Variants in GLYATL1 observed in about 807,000 individuals in gnomAD.
The protein encoded by GLYATL1 is glycine N-acyltransferase-like protein 1.
GLYATL1 carries 15 observed loss-of-function variants against 20.0 expected under a neutral mutation model. The observed-to-expected ratio is 0.75, with a 90% CI of 0.50 to 1.15. GLYATL1 has a LOEUF of 1.15. Among genes scored for constraint, GLYATL1 ranks in the 50% most tolerant of loss-of-function variants. The pLI, the probability that GLYATL1 is intolerant of heterozygous loss-of-function variation, is 0.00. For synonymous variants in GLYATL1, 151 were observed against 131.5 expected, an observed-to-expected ratio of 1.15 and a Z score of -1.01; for missense variants, 380 against 368.5, an observed-to-expected ratio of 1.03 and a Z score of -0.26.
At chr11:58,917,661 A>G (rs557678) in intron 1 of GLYATL1, among the ~76,000 whole-genome samples, 149,108 of 152,358 alleles carry the variant, frequency 0.98, 73,040 homozygotes, top group Middle Eastern at 1. Context: ...AGGCCTGCCT[A>G]CTCAGGCATC....
In GLYATL1 at chr11:58,955,604, C is replaced by T. The variant is rs200942572; in HGVS notation, c.492-6C>T. The T allele has an allele frequency of 4.5e-4, 722 of 1,611,782 alleles. 13 individuals carry two copies. The South Asian group carries it at 7.5e-3, about 17-fold the overall frequency. On this transcript the variant is annotated splice_polypyrimidine_tract_variant and splice_region_variant and intron_variant, in intron 6 of 6. Transcript: ENST00000532726. The stretch of plus-strand genomic sequence containing the variant: ...AAGTTGTTGTCTTTCTTTTTGTTGT[C>T]TACAGTGAAACTCCCAACTTTAAGT...
chr11:58,946,869 C>T, intron 2 of GLYATL1, 177 bp from the exon 3 acceptor site: 1 of 636,292 alleles, frequency 1.6e-6, no homozygotes, highest in South Asian at 1.9e-5. Context: ...CTGACTCTGG[C>T]ATTTATCTCT....
chr11:58,949,482 G>A (rs1226945556), intron 4 of GLYATL1, among the ~76,000 whole-genome samples: 3 of 152,154 alleles, frequency 2.0e-5, no homozygotes, highest in African/African-American at 7.2e-5. Context: ...TCAAAGTGTG[G>A]TATGCTAGAT....
intron 1 of GLYATL1, among the ~76,000 whole-genome samples, chr11:58,916,162 A>G (rs1855166839): frequency 6.6e-6 from 1 of 152,000 alleles, no homozygotes; most frequent in Admixed American, 6.5e-5. Context: ...TGGAATGGGG[A>G]CTTTTCTGTA....
At chr11:58,940,544 A>G (rs1311186411) in intron 1 of GLYATL1, among the ~76,000 whole-genome samples, 1 of 152,278 alleles carries the variant, frequency 6.6e-6, no homozygotes, top group African/African-American at 2.4e-5. Context: ...AAGAGTGCTC[A>G]TAGATTAAGT....
At chr11:58,919,220 C>T (rs1357061309) in intron 1 of GLYATL1, among the ~76,000 whole-genome samples, 1 of 152,230 alleles carries the variant, frequency 6.6e-6, no homozygotes. Flanking sequence ...TCCTAGCTCA[C>T]AGAGATCACC....
intron 3 of GLYATL1, chr11:58,947,606 T>C: frequency 1.9e-6 from 1 of 518,070 alleles, no homozygotes; most frequent in Admixed American, 3.1e-5. Flanking sequence ...GCTAAGAGCA[T>C]TGCCAAGTGC....
intron 2 of GLYATL1, among the ~76,000 whole-genome samples, chr11:58,945,479 G>T (rs474253): frequency 0.33 from 49,412 of 152,008 alleles, 8,551 homozygotes; most frequent in Non-Finnish European, 0.39. Flanking sequence ...TTTGGACAAA[G>T]ATTGGCAGCT....
intron 1 of GLYATL1, chr11:58,916,925 C>T (rs1000553094): frequency 2.0e-5 from 3 of 152,174 alleles, no homozygotes; most frequent in South Asian, 2.1e-4. Flanking sequence ...AGAGGTTTCT[C>T]ATTGGTTAGT....
upstream of GLYATL1, among the ~76,000 whole-genome samples, chr11:58,923,612 G>A (rs578077754): frequency 6.2e-4 from 94 of 152,102 alleles, 1 homozygote; most frequent in Non-Finnish European, 1.1e-3. Context: ...TTGAGTTCTA[G>A]GAAGTGAGTG....
At chr11:58,910,326 C>G (rs889395528), downstream of GLYATL1, among the ~76,000 whole-genome samples, 5 of 152,108 alleles carry the variant, frequency 3.3e-5, no homozygotes, top group Non-Finnish European at 7.4e-5. Context: ...CTTCAACTCA[C>G]TTTAGACTTT....
Position 58,956,218 on chromosome 11 carries a change from G to C in GLYATL1, c.*191G>C. The stretch of plus-strand genomic sequence containing the variant: ...GAGCTTACAATCCTGGCTGGAGGCA[G>C]GGGAGGGTATATTCTTTAAATATGC... On this transcript the variant is annotated 3_prime_UTR_variant, in exon 7 of 7. Transcript: ENST00000532726. 1 of 601,646 alleles carries C rather than the reference G, an allele frequency of 1.7e-6. No homozygotes were observed. The highest frequency in any genetic ancestry group is 2.8e-5 in the East Asian group (1 of 36,192). The allele number at this position is 601,646 out of a possible 1,614,324, so 37.3% of individuals were successfully genotyped here. A position where few individuals can be genotyped will look rare whatever the true frequency, so the allele number is the denominator to read the frequency against.
exon 2 of GLYATL1, chr11:58,907,363 T>C (rs998279162): frequency 2.2e-6 from 1 of 456,220 alleles, no homozygotes; most frequent in African/African-American, 2.0e-5. Flanking sequence ...TGGCCTGGAA[T>C]CCCTCACGGT....
Position 58,947,091 on chromosome 11 carries a change from A to T in GLYATL1, c.4A>T (p.Ile2Phe), listed in dbSNP as rs758326202. 4 of 1,614,028 alleles carry T rather than the reference A, an allele frequency of 2.5e-6. No individual in the cohort carries two copies. Among genetic ancestry groups the T allele is most frequent in the Non-Finnish European group, 3.4e-6 (4 of 1,179,886 alleles). Residue 2 changes from isoleucine to phenylalanine, a missense_variant, in exon 3 of 7, where the codon ATC (isoleucine) becomes TTC (phenylalanine). Ile to Phe is a conservative substitution (Grantham distance 21). Coordinates refer to ENST00000532726, the MANE Select transcript of GLYATL1 (RefSeq NM_001389712.2). M[I>F]LLNNSHKLLA... The stretch of plus-strand genomic sequence containing the variant: ...AAGGTCTGAAGCATCCCACAGAATG[A>T]TCCTACTGAATAACTCCCATAAGCT...
intron 3 of GLYATL1, chr11:58,947,445 G>A: frequency 2.0e-6 from 1 of 500,346 alleles, no homozygotes; most frequent in South Asian, 3.1e-5. Context: ...TGCATTCCAA[G>A]GCTGCCATTT....
At chr11:58,938,753 G>T (rs975017995), upstream of GLYATL1, among the ~76,000 whole-genome samples, 5 of 152,174 alleles carry the variant, frequency 3.3e-5, no homozygotes, top group Non-Finnish European at 7.3e-5. Flanking sequence ...CAGGGGTCTA[G>T]TTCCAGCCGT....
At chr11:58,931,938 C>T (rs1162870847) in intron 1 of GLYATL1, among the ~76,000 whole-genome samples, 3 of 151,414 alleles carry the variant, frequency 2.0e-5, no homozygotes, top group Admixed American at 1.3e-4. Flanking sequence ...GGTGAAATCC[C>T]ATCTCTAGTA....
chr11:58,949,849 A>G (rs764661027), intron 4 of GLYATL1, among the ~76,000 whole-genome samples: 14 of 152,092 alleles, frequency 9.2e-5, no homozygotes, highest in Non-Finnish European at 1.8e-4. Flanking sequence ...CTAGAAAAAA[A>G]TTAATTTTTT....
chr11:58,949,948 A>ACCTCC (rs149728564), intron 4 of GLYATL1, among the ~76,000 whole-genome samples: 48,527 of 149,444 alleles, frequency 0.32, 8,335 homozygotes, highest in Non-Finnish European at 0.39. Context: ...ATAACCTCTT[A>ACCTCC]CCTCCCCTCC....
Sources: gnomAD v4.1 joint callset for allele counts (sites outside exome capture counted in the v4.1 genomes callset) on GRCh38, gnomAD v4.1.1 for gene constraint, MANE v1.5 for transcripts, NCBI Gene and HGNC (gene_info 2026-07-23, HGNC 2026-07-21) for gene names.